The following XRCC1 variants were observed in gnomAD, a reference collection of about 807,000 sequenced individuals.
XRCC1 encodes the protein DNA repair protein XRCC1.
XRCC1 carries 52 observed loss-of-function variants against 83.3 expected under a neutral mutation model. The observed-to-expected ratio is 0.62, with a 90% CI of 0.50 to 0.79. The LOEUF is 0.79. Among genes scored for constraint, XRCC1 ranks in the 30% least tolerant of loss-of-function variants. XRCC1 has a pLI of 0.00. For missense variants in XRCC1, 793 were observed against 823.5 expected, an observed-to-expected ratio of 0.96 and a Z score of 0.45; for synonymous variants, 281 against 312.6, an observed-to-expected ratio of 0.90 and a Z score of 1.07.
chr19:43,543,508 G>A lies in XRCC1; in HGVS notation c.1789-3C>T, dbSNP rs201761108. On this transcript the variant is annotated splice_region_variant and splice_polypyrimidine_tract_variant and intron_variant, in intron 16 of 16. Transcript: ENST00000262887. Reference sequence around the variant, plus strand: ...AGGGAGGGGTTGTCCATCAGGGCCTGCAGGGTGGGGTGGAGTCCATACGGG... The same window carrying A: ...AGGGAGGGGTTGTCCATCAGGGCCTACAGGGTGGGGTGGAGTCCATACGGG... The A allele has an allele frequency of 1.2e-6, 2 of 1,613,854 alleles. No homozygotes were observed. Among genetic ancestry groups the A allele is most frequent in the East Asian group, 2.2e-5 (1 of 44,844 alleles).
At chr19:43,573,525 A>G (rs926892614) in intron 2 of XRCC1, among the ~76,000 whole-genome samples, 1 of 152,034 alleles carries the variant, frequency 6.6e-6, no homozygotes, top group South Asian at 2.1e-4. Flanking sequence ...CAAAAGGTTA[A>G]TTTTTCCGTC....
chr19:43,569,967 G>C (rs1320764551), intron 2 of XRCC1, among the ~76,000 whole-genome samples: 1 of 152,214 alleles, frequency 6.6e-6, no homozygotes, highest in East Asian at 1.9e-4. Context: ...TACCCTTGCA[G>C]GGGTACTGAC....
chr19:43,559,582 G>A (rs553077420), intron 3 of XRCC1, among the ~76,000 whole-genome samples: 60 of 150,572 alleles, frequency 4.0e-4, no homozygotes, highest in Non-Finnish European at 8.0e-4. Context: ...AGATCTAAAT[G>A]TAAAATCTAA....
At chr19:43,557,307 CAAAAAAAAAAAAAAA>C (rs33984597) in intron 3 of XRCC1, among the ~76,000 whole-genome samples, 1 of 77,866 alleles carries the variant, frequency 1.3e-5, no homozygotes, top group South Asian at 4.8e-4. Flanking sequence ...GACTCCGTCT[CAAAAAAAAAAAAAAA>C]AAAAAAAAAG....
rs1311727710 is a variant in XRCC1 at position 43,565,982 on chromosome 19, T to A, written c.145-4962A>T. Among the ~76,000 whole-genome samples, 3 of 151,782 alleles carry A rather than the reference T, an allele frequency of 2.0e-5. No individual in the cohort carries two copies. The East Asian group carries it at 5.8e-4, about 29-fold the overall frequency. ...TGGGCACAGTGGCTCACACCTGTAA[T>A]CTCAGCACTTTGGGAGGCCAAGGCA... On this transcript the variant is annotated intron_variant, in intron 2 of 16. Transcript: ENST00000262887.
chr19:43,544,202 C>A lies in XRCC1; in HGVS notation c.1654G>T (p.Gly552Trp). The A allele has an allele frequency of 6.2e-7, 1 of 1,610,890 alleles. No individual in the cohort carries two copies. The highest frequency in any genetic ancestry group is 8.5e-7 in the Non-Finnish European group (1 of 1,178,646). ...CGCCGCTCGTCCCCAGGGAACTCCC[C>A]GTAAAGAAAGAAGTGCTTGCCCTGG... The part of the protein sequence containing the change: ...FFQGKHFFLY[G>W]EFPGDERRKL... Residue 552 changes from glycine (G) to tryptophan (W), a missense_variant, in exon 15 of 17, where the codon GGG (glycine) becomes TGG (tryptophan). By Grantham distance (184) the Gly-to-Trp change is radical. Transcript: ENST00000262887.
chr19:43,569,714 G>A (rs539257432), intron 2 of XRCC1, among the ~76,000 whole-genome samples: 10 of 151,920 alleles, frequency 6.6e-5, no homozygotes, highest in East Asian at 5.8e-4. Flanking sequence ...CCTGGGAGGC[G>A]GAGGTTGCAG....
chr19:43,565,230 T>C (rs1972740710), intron 2 of XRCC1, among the ~76,000 whole-genome samples: 1 of 152,166 alleles, frequency 6.6e-6, no homozygotes, highest in Non-Finnish European at 1.5e-5. Flanking sequence ...GAACATCTTT[T>C]GAGCACCACT....
At chr19:43,550,404 C>T (rs1972563303) in intron 10 of XRCC1, among the ~76,000 whole-genome samples, 1 of 152,090 alleles carries the variant, frequency 6.6e-6, no homozygotes, top group Non-Finnish European at 1.5e-5. Flanking sequence ...TCCTGAATAA[C>T]AGATGAGGGT....
chr19:43,560,920 T>C lies in XRCC1; in HGVS notation c.245A>G (p.Gln82Arg), dbSNP rs201889748. The change falls in exon 3 of 17, where the codon CAA becomes CGA. Residue 82 changes from glutamine to arginine, a missense_variant. By Grantham distance (43) the Gln-to-Arg change is conservative. Transcript: ENST00000262887. Reference sequence around the variant, plus strand: ...CATAGCCCTGCTTACCTCATAGTCTTGCTCCCCAGCGCCTCCAGCTGAACT... The same window carrying C: ...CATAGCCCTGCTTACCTCATAGTCTCGCTCCCCAGCGCCTCCAGCTGAACT... ...VGSSAGGAGE[Q>R]DYEVLLVTSS... The C allele has an allele frequency of 3.1e-6, 5 of 1,614,030 alleles. No homozygotes were observed. Among genetic ancestry groups the C allele is most frequent in the Non-Finnish European group, 4.2e-6 (5 of 1,179,882 alleles).
chr19:43,556,933 A>C (rs1972642453), intron 3 of XRCC1, among the ~76,000 whole-genome samples: 1 of 152,006 alleles, frequency 6.6e-6, no homozygotes, highest in African/African-American at 2.4e-5. Flanking sequence ...TGAACCCAGG[A>C]GTTGGAGGTG....
Position 43,552,095 on chromosome 19 carries a change from CG to C in XRCC1, c.1003del (p.Arg335AlafsTer9). The C allele has an allele frequency of 6.2e-7, 1 of 1,613,992 alleles. No homozygotes were observed. The highest frequency in any genetic ancestry group is 8.5e-7 in the Non-Finnish European group (1 of 1,179,968). ...TAGGGCCTTATCTCGCAGCTCGGAG[CG>C]GAAGGGGTTCTGGAAGCCACTCAGC... ...VVLSGFQNPFRSELRDKALEL... is the reference protein window; with the variant it reads ...VVLSGFQNPFXSELRDKALEL... On this transcript the variant is annotated frameshift_variant, in exon 9 of 17. Transcript: ENST00000262887. LOFTEE classifies it high-confidence loss of function.
rs767427148 is a variant in XRCC1, at chr19:43,545,831, G to A, written c.1608C>T (p.Val536=). The A allele has an allele frequency of 1.9e-6, 3 of 1,613,724 alleles. No individual in the cohort carries two copies. The highest frequency in any genetic ancestry group is 2.5e-6 in the Non-Finnish European group (3 of 1,179,852). Reference sequence around the variant, plus strand: ...GGGATTTCCCACCTGGGAGCTCAGGGACTGGCAGATCAGGAGGCTCCTGGT... The same window carrying A: ...GGGATTTCCCACCTGGGAGCTCAGGAACTGGCAGATCAGGAGGCTCCTGGT... ...EEHQEPPDLP[V]PELPDFFQGK... The change falls in exon 14 of 17, where the codon GTC becomes GTT. Residue 536 remains valine, a synonymous_variant. Coordinates refer to ENST00000262887, the MANE Select transcript of XRCC1 (RefSeq NM_006297.3).
chr19:43,543,590 T>C, intron 16 of XRCC1, 22 bp downstream of exon 16: 1 of 1,613,838 alleles, frequency 6.2e-7, no homozygotes, highest in Non-Finnish European at 8.5e-7. Flanking sequence ...GGTCTCCCAT[T>C]CTCTGCCTCT....
Position 43,553,606 on chromosome 19 carries a change from T to C in XRCC1, c.489+3A>G, listed in dbSNP as rs768229038. 6.3e-7 allele frequency: 1 copy of C among 1,595,804 alleles called. No individual in the cohort carries two copies. Among genetic ancestry groups the C allele is most frequent in the Non-Finnish European group, 8.6e-7 (1 of 1,167,496 alleles). ...GCCATGGGGAGTGACAGGTACAGCT[T>C]ACCTGGGACGGGGCCTCTGCCTCAT... On this transcript the variant is annotated splice_donor_region_variant and intron_variant, in intron 5 of 16. Transcript: ENST00000262887.
At position 43,553,524 on chromosome 19, in the gene XRCC1, C is replaced by T. The variant is rs376127235; in HGVS notation, c.490-12G>A. On this transcript the variant is annotated splice_polypyrimidine_tract_variant and intron_variant, in intron 5 of 16. Coordinates refer to ENST00000262887, the MANE Select transcript of XRCC1 (RefSeq NM_006297.3). ...GTCACTGTCACCTTCTAAGGTCCCG[C>T]AAGGTCAGTATTATAGGTGGGCTGC... 2 of 1,613,968 alleles carry T rather than the reference C, an allele frequency of 1.2e-6. No homozygotes were observed. The highest frequency in any genetic ancestry group is 1.3e-5 in the African/African-American group (1 of 74,876).
chr19:43,543,491 G>A lies in XRCC1; in HGVS notation c.1803C>T (p.Asn601=), dbSNP rs780113067. The A allele has an allele frequency of 5.0e-6, 8 of 1,613,772 alleles. No individual in the cohort carries two copies. The South Asian group carries it at 7.7e-5, about 16-fold the overall frequency. ...DPSFEEALMD[N]PSLAFVRPRW... ...GGGGACGAACGAATGCCAGGGAGGG[G>A]TTGTCCATCAGGGCCTGCAGGGTGG... The change falls in exon 17 of 17, where the codon AAC becomes AAT. Residue 601 remains asparagine (N), a synonymous_variant. Transcript: ENST00000262887.
rs372782938 is a variant in XRCC1, at chr19:43,552,026, G to A, written c.1073C>T (p.Thr358Met). Reference protein sequence around the residue: ...KYRPDWTRDSTHLICAFANTP... With the variant: ...KYRPDWTRDSMHLICAFANTP... ...GGGGGCGCAAGCCTACATGAGGTGC[G>A]TGCTGTCCCGGGTCCAGTCTGGCCG... The change falls in exon 9 of 17, where the codon ACG becomes ATG. Residue 358 changes from threonine to methionine, a missense_variant. Thr to Met is a moderately conservative substitution (Grantham distance 81, BLOSUM62 -1). Transcript: ENST00000262887. 28 of 1,613,892 alleles carry A rather than the reference G, an allele frequency of 1.7e-5. No homozygotes were observed. The highest frequency in any genetic ancestry group is 1.6e-4 in the Middle Eastern group (1 of 6,084).
At chr19:43,552,328 G>C in intron 8 of XRCC1, 53 bp from the exon 9 acceptor site, 1 of 1,370,592 alleles carries the variant, frequency 7.3e-7, no homozygotes, top group Non-Finnish European at 1.0e-6. Flanking sequence ...TCAACCCCCA[G>C]CCCCTCCTCC....
Sources: gnomAD v4.1 joint callset for allele counts (sites outside exome capture counted in the v4.1 genomes callset) on GRCh38, gnomAD v4.1.1 for gene constraint, MANE v1.5 for transcripts, NCBI Gene and HGNC (gene_info 2026-07-23, HGNC 2026-07-21) for gene names.